Variants in SLC24A3 observed in about 807,000 individuals in gnomAD.
The protein encoded by SLC24A3 is sodium/potassium/calcium exchanger 3.
Under a neutral mutation model 75.8 loss-of-function variants are expected in SLC24A3, and 28 were observed. That is an observed-to-expected ratio of 0.37 (90% CI 0.27 to 0.51). The LOEUF (loss-of-function observed/expected upper bound fraction) is 0.51, where lower values mean the gene tolerates loss of function less well. Among genes scored for constraint, SLC24A3 ranks in the 20% least tolerant of loss-of-function variants. SLC24A3 has a pLI of 0.94. For missense variants in SLC24A3, 663 were observed against 847.8 expected, an observed-to-expected ratio of 0.78 and a Z score of 2.71; for synonymous variants, 372 against 334.1, an observed-to-expected ratio of 1.11 and a Z score of -1.24.
At chr20:19,316,388 C>T (rs546612344) in intron 2 of SLC24A3, among the ~76,000 whole-genome samples, 6 of 152,326 alleles carry the variant, frequency 3.9e-5, no homozygotes, top group Admixed American at 3.9e-4. Context: ...GGCAGCGTGT[C>T]CTGCAGCCAC....
intron 1 of SLC24A3, among the ~76,000 whole-genome samples, chr20:19,245,468 A>G (rs1209046490): frequency 6.6e-6 from 1 of 152,066 alleles, no homozygotes; most frequent in African/African-American, 2.4e-5. Context: ...ATGACATTTT[A>G]AGTCCCTGTA....
chr20:19,343,803 G>C (rs1474469341), intron 2 of SLC24A3, among the ~76,000 whole-genome samples: 2 of 152,132 alleles, frequency 1.3e-5, no homozygotes, highest in African/African-American at 2.4e-5. Flanking sequence ...ATTATAGAGG[G>C]CCTTATGGAC....
At chr20:19,539,767 T>C (rs533670002) in intron 3 of SLC24A3, among the ~76,000 whole-genome samples, 1 of 152,036 alleles carries the variant, frequency 6.6e-6, no homozygotes, top group African/African-American at 2.4e-5. Context: ...CCAGGGAAAA[T>C]TATCTGTTTT....
intron 3 of SLC24A3, among the ~76,000 whole-genome samples, chr20:19,562,471 GAC>G (rs2030889159): frequency 1.3e-5 from 2 of 152,180 alleles, no homozygotes; most frequent in South Asian, 4.1e-4. Flanking sequence ...ATCAGTCAGA[GAC>G]AAAGGAGCCC....
At chr20:19,238,860 T>G (rs573063577) in intron 1 of SLC24A3, among the ~76,000 whole-genome samples, 3 of 152,100 alleles carry the variant, frequency 2.0e-5, no homozygotes, top group African/African-American at 7.2e-5. Context: ...AGTATTACTA[T>G]TGATCTTTCT....
intron 16 of SLC24A3, among the ~76,000 whole-genome samples, chr20:19,718,973 CA>C (rs1199673752): frequency 6.6e-6 from 1 of 150,758 alleles, no homozygotes; most frequent in Non-Finnish European, 1.5e-5. Context: ...GCTTACAGGT[CA>C]GGATGATAAG....
intron 2 of SLC24A3, among the ~76,000 whole-genome samples, chr20:19,442,827 A>G (rs1308642820): frequency 6.6e-6 from 1 of 152,048 alleles, no homozygotes; most frequent in Admixed American, 6.6e-5. Flanking sequence ...ACAGTTTTGC[A>G]TTTTACTTTT....
At chr20:19,650,620 G>T (rs1440526451) in intron 6 of SLC24A3, among the ~76,000 whole-genome samples, 1 of 152,084 alleles carries the variant, frequency 6.6e-6, no homozygotes, top group African/African-American at 2.4e-5. Context: ...AGAAGAGGAG[G>T]GTTTACGTCT....
chr20:19,254,511 C>T (rs1174206824), intron 1 of SLC24A3, among the ~76,000 whole-genome samples: 1 of 152,202 alleles, frequency 6.6e-6, no homozygotes, highest in African/African-American at 2.4e-5. Context: ...CATTCCTCAG[C>T]AACAAACTCA....
At chr20:19,282,835 G>A (rs1189626011) in intron 2 of SLC24A3, among the ~76,000 whole-genome samples, 1 of 152,212 alleles carries the variant, frequency 6.6e-6, no homozygotes, top group Non-Finnish European at 1.5e-5. Flanking sequence ...TCTGTGAGTA[G>A]CATTGCTCAC....
intron 2 of SLC24A3, among the ~76,000 whole-genome samples, chr20:19,337,488 A>T (rs1165826259): frequency 6.6e-6 from 1 of 151,850 alleles, no homozygotes; most frequent in African/African-American, 2.4e-5. Flanking sequence ...TAATTAATTA[A>T]ATAAAAGTCC....
intron 2 of SLC24A3, among the ~76,000 whole-genome samples, chr20:19,346,985 A>G (rs1985443696): frequency 6.6e-6 from 1 of 152,236 alleles, no homozygotes; most frequent in Non-Finnish European, 1.5e-5. Flanking sequence ...GCTTCAACAG[A>G]TACATAAATA....
In SLC24A3 at chr20:19,643,440, C is replaced by T. The variant is rs73283594; in HGVS notation, c.613-10622C>T. Among the ~76,000 whole-genome samples, 1,063 of 152,244 alleles carry T rather than the reference C, an allele frequency of 7.0e-3. 14 individuals are homozygous for T. Among genetic ancestry groups the T allele is most frequent in the African/African-American group, 0.024 (1,013 of 41,556 alleles). On this transcript the variant is annotated intron_variant, in intron 6 of 16. Transcript: ENST00000328041. Reference sequence around the variant, plus strand: ...GATATGAACCAGAAATTTCCAAATCCATGTCCAAGCCTGCGAATTGAAAAA... The same window carrying T: ...GATATGAACCAGAAATTTCCAAATCTATGTCCAAGCCTGCGAATTGAAAAA...
chr20:19,684,275 T>C lies in SLC24A3; in HGVS notation c.1001T>C (p.Ile334Thr). The C allele has an allele frequency of 6.2e-7, 1 of 1,614,060 alleles. No homozygotes were observed. Among genetic ancestry groups the C allele is most frequent in the Non-Finnish European group, 8.5e-7 (1 of 1,180,016 alleles). ...SFSEAGLRIM[I>T]TSHFPPKTRL... The stretch of plus-strand genomic sequence containing the variant: ...TCTGAGGCTGGCCTTCGAATCATGA[T>C]AACCAGCCACTTTCCCCCCAAGACC... Residue 334 changes from isoleucine to threonine, a missense_variant, in exon 11 of 17, where the codon ATA becomes ACA. Ile to Thr is a moderately conservative substitution (Grantham distance 89, BLOSUM62 -1). This residue lies in a region of SLC24A3 where 510 missense variants were observed against 703.6 expected (regional missense o/e 0.72). Transcript: ENST00000328041.
chr20:19,266,836 A>G (rs1486024557), intron 1 of SLC24A3, among the ~76,000 whole-genome samples: 1 of 152,182 alleles, frequency 6.6e-6, no homozygotes, highest in African/African-American at 2.4e-5. Context: ...TATATTTTTT[A>G]AGAAATTATG....
chr20:19,706,839 T>C (rs1332472268), intron 15 of SLC24A3, among the ~76,000 whole-genome samples: 2 of 151,966 alleles, frequency 1.3e-5, no homozygotes, highest in Admixed American at 1.3e-4. Flanking sequence ...AGAGAGAGAA[T>C]AGGGTGATTG....
At chr20:19,213,843 A>G (rs1338317325) in intron 1 of SLC24A3, among the ~76,000 whole-genome samples, 2 of 152,238 alleles carry the variant, frequency 1.3e-5, no homozygotes, top group African/African-American at 4.8e-5. Flanking sequence ...AAGGAAAAAC[A>G]TGGGAGAATA....
intron 3 of SLC24A3, 87 bp downstream of exon 3, chr20:19,515,651 A>G: frequency 7.5e-7 from 1 of 1,339,938 alleles, no homozygotes; most frequent in Non-Finnish European, 1.1e-6. Context: ...CCCCCAGTAG[A>G]TTCTCTCTGC....
At chr20:19,379,308 A>G (rs1169869505) in intron 2 of SLC24A3, among the ~76,000 whole-genome samples, 1 of 152,058 alleles carries the variant, frequency 6.6e-6, no homozygotes, top group African/African-American at 2.4e-5. Flanking sequence ...GCCTTCAGGG[A>G]TCTTCACTCT....
Sources: gnomAD v4.1 joint callset for allele counts (sites outside exome capture counted in the v4.1 genomes callset) on GRCh38, gnomAD v4.1.1 for gene constraint, gnomAD v4.1.1 regional missense constraint, MANE v1.5 for transcripts, NCBI Gene and HGNC (gene_info 2026-07-23, HGNC 2026-07-21) for gene names.